Variants in SIK3 observed in about 807,000 individuals in gnomAD.
The protein encoded by SIK3 is serine/threonine-protein kinase SIK3.
Under a neutral mutation model 144.2 loss-of-function variants are expected in SIK3, and 28 were observed. The ratio of observed to expected loss-of-function variants is 0.19; its 90% CI spans 0.14 to 0.27. SIK3 has a LOEUF of 0.27. Among genes scored for constraint, SIK3 ranks in the 10% least tolerant of loss-of-function variants. The probability of loss-of-function intolerance (pLI) is 1.00; values close to 1 mark genes in which losing one functional copy is unlikely to be tolerated. For synonymous variants in SIK3, 686 were observed against 676.3 expected, an observed-to-expected ratio of 1.01 and a Z score of -0.22; for missense variants, 1,319 against 1,776.0, an observed-to-expected ratio of 0.74 and a Z score of 4.62.
At chr11:116,953,795 G>T (rs1386211187) in intron 3 of SIK3, among the ~76,000 whole-genome samples, 1 of 152,196 alleles carries the variant, frequency 6.6e-6, no homozygotes, top group Non-Finnish European at 1.5e-5. Flanking sequence ...TGTTTTTGGA[G>T]ATCTTTAATC....
At chr11:117,056,844 A>C (rs1245456697) in intron 1 of SIK3, among the ~76,000 whole-genome samples, 5 of 152,356 alleles carry the variant, frequency 3.3e-5, no homozygotes, top group African/African-American at 1.2e-4. Flanking sequence ...GGTGAAAATG[A>C]AAAATGGAAG....
At chr11:116,994,844 T>C (rs559158239) in intron 1 of SIK3, among the ~76,000 whole-genome samples, 21 of 151,690 alleles carry the variant, frequency 1.4e-4, no homozygotes, top group Non-Finnish European at 2.8e-4. Context: ...TGTCCTGCTA[T>C]TCTTCATTCC....
chr11:116,920,330 G>A (rs953820678), intron 4 of SIK3, among the ~76,000 whole-genome samples: 5 of 151,838 alleles, frequency 3.3e-5, no homozygotes, highest in Admixed American at 6.6e-5. Context: ...ATTATCTCCA[G>A]CCATGCTGGA....
intron 1 of SIK3, among the ~76,000 whole-genome samples, chr11:116,969,860 T>C (rs1268783040): frequency 6.6e-6 from 1 of 152,200 alleles, no homozygotes; most frequent in Non-Finnish European, 1.5e-5. Context: ...AAAAGACGAA[T>C]GCAGTGGGTG....
chr11:117,037,970 A>G (rs1440566200), intron 1 of SIK3, among the ~76,000 whole-genome samples: 1 of 152,154 alleles, frequency 6.6e-6, no homozygotes, highest in East Asian at 1.9e-4. Flanking sequence ...ATACCACTTT[A>G]GTAGTTCTGA....
At chr11:117,096,810 G>A (rs1399609940) in intron 1 of SIK3, among the ~76,000 whole-genome samples, 1 of 152,070 alleles carries the variant, frequency 6.6e-6, no homozygotes, top group Non-Finnish European at 1.5e-5. Context: ...TAAGTCACTG[G>A]CTTCAGAAAA....
chr11:117,084,556 G>A (rs1374084800), intron 1 of SIK3, among the ~76,000 whole-genome samples: 1 of 152,094 alleles, frequency 6.6e-6, no homozygotes. Flanking sequence ...ATGAGCCACC[G>A]CGCCGGGCCC....
chr11:117,007,690 T>A (rs1400576046), intron 1 of SIK3, among the ~76,000 whole-genome samples: 1 of 152,182 alleles, frequency 6.6e-6, no homozygotes, highest in Non-Finnish European at 1.5e-5. Context: ...AACTTTTAGA[T>A]TTAGATAATT....
chr11:116,919,337 G>A (rs1221026014), intron 4 of SIK3, among the ~76,000 whole-genome samples: 1 of 152,116 alleles, frequency 6.6e-6, no homozygotes, highest in African/African-American at 2.4e-5. Context: ...ACTGCATTAA[G>A]GTCAAAATTT....
chr11:116,971,630 A>C (rs1949766261), intron 1 of SIK3, among the ~76,000 whole-genome samples: 1 of 152,242 alleles, frequency 6.6e-6, no homozygotes, highest in South Asian at 2.1e-4. Context: ...ATCAGCTTCA[A>C]GAATTATTAC....
At chr11:117,081,395 A>T (rs1319876208) in intron 1 of SIK3, among the ~76,000 whole-genome samples, 1 of 152,272 alleles carries the variant, frequency 6.6e-6, no homozygotes, top group South Asian at 2.1e-4. Flanking sequence ...AGGCCGAGGC[A>T]GGCGGATCAC....
chr11:117,029,710 C>T (rs146275111), intron 1 of SIK3, among the ~76,000 whole-genome samples: 1 of 152,226 alleles, frequency 6.6e-6, no homozygotes, highest in East Asian at 1.9e-4. Context: ...AACTCCCAAA[C>T]TTCTGGCTTC....
chr11:117,021,545 A>G (rs905551504), intron 1 of SIK3, among the ~76,000 whole-genome samples: 1 of 152,222 alleles, frequency 6.6e-6, no homozygotes, highest in African/African-American at 2.4e-5. Context: ...GTTAGCATAC[A>G]GATCTCTGTT....
At chr11:117,022,742 A>C (rs1445418908) in intron 1 of SIK3, among the ~76,000 whole-genome samples, 1 of 152,128 alleles carries the variant, frequency 6.6e-6, no homozygotes, top group African/African-American at 2.4e-5. Context: ...TTGAAATCTC[A>C]TTTATAACCA....
intron 1 of SIK3, among the ~76,000 whole-genome samples, chr11:117,081,559 G>A (rs2134018049): frequency 6.6e-6 from 1 of 152,300 alleles, no homozygotes; most frequent in Non-Finnish European, 1.5e-5. Context: ...GGGAGGCGGA[G>A]CTTGCAGTGA....
At chr11:116,912,265 G>A (rs1472063924) in intron 4 of SIK3, among the ~76,000 whole-genome samples, 1 of 152,190 alleles carries the variant, frequency 6.6e-6, no homozygotes, top group Non-Finnish European at 1.5e-5. Flanking sequence ...TGTTGGAGGT[G>A]AGATCAGGAG....
chr11:116,895,589 T>C (rs1349422943), intron 6 of SIK3, among the ~76,000 whole-genome samples: 3 of 150,772 alleles, frequency 2.0e-5, no homozygotes, highest in Non-Finnish European at 3.0e-5. Flanking sequence ...ATATGACTTT[T>C]TGCGTTCTCT....
At chr11:117,052,334 A>G (rs774390261) in intron 1 of SIK3, among the ~76,000 whole-genome samples, 1 of 152,210 alleles carries the variant, frequency 6.6e-6, no homozygotes, top group Non-Finnish European at 1.5e-5. Context: ...AGTAGGCAGG[A>G]GAGACTGCAG....
chr11:116,921,233 CT>C (rs1591327925), intron 4 of SIK3, among the ~76,000 whole-genome samples: 1 of 152,088 alleles, frequency 6.6e-6, no homozygotes, highest in African/African-American at 2.4e-5. Context: ...AGAGATTTTA[CT>C]TTTTTAATAA....
Sources: allele counts gnomAD v4.1 joint callset (sites outside exome capture counted in the v4.1 genomes callset), GRCh38; gene constraint gnomAD v4.1.1; transcripts MANE v1.5; gene names NCBI Gene and HGNC (gene_info 2026-07-23, HGNC 2026-07-21).